RBM48: variants seen among roughly 807,000 people sequenced by gnomAD.
RBM48 encodes RNA-binding protein 48.
In RBM48, 32 loss-of-function variants were observed where a neutral mutation model predicts 34.8. That is an observed-to-expected ratio of 0.92 (90% CI 0.69 to 1.23). RBM48 has a LOEUF of 1.23. RBM48 is among the 50% of genes most tolerant of loss of function. The probability of loss-of-function intolerance (pLI) is 0.00; values close to 1 mark genes in which losing one functional copy is unlikely to be tolerated. For synonymous variants in RBM48, 151 were observed against 156.2 expected (o/e 0.97, Z 0.25); for missense variants, 441 against 447.2 (o/e 0.99, Z 0.12).
intron 1 of RBM48, chr7:92,529,210 GTGAT>G: frequency 1.7e-6 from 1 of 571,910 alleles, no homozygotes; most frequent in Non-Finnish European, 3.1e-6. Flanking sequence ...TATTCGTTGA[GTGAT>G]TGTTCCCAGT....
At position 92,537,141 on chromosome 7, in the gene RBM48, GGC is replaced by G; in HGVS notation, c.*206_*207del. ...TCTGTTGCCCAGGCTGGAATGCAGT[GGC>G]GTGATCTCGGCTCACTGCAACCTCC... On this transcript the variant is annotated 3_prime_UTR_variant, in exon 5 of 5. Transcript: ENST00000265732. 1 of 374,374 alleles carries G rather than the reference GGC, an allele frequency of 2.7e-6. No individual in the cohort carries two copies. The highest frequency in any genetic ancestry group is 4.9e-6 in the Non-Finnish European group (1 of 202,432). The allele number at this position is 374,374 out of a possible 1,614,324, so 23.2% of individuals were successfully genotyped here.
At chr7:92,536,129 C>CAA in intron 4 of RBM48, 1 of 965,364 alleles carries the variant, frequency 1.0e-6, no homozygotes, top group Non-Finnish European at 1.2e-6. Context: ...GACCCTGTCT[C>CAA]AAAAAAAAAG....
chr7:92,529,441 G>A, intron 1 of RBM48, 35 bp from the exon 2 acceptor site: 2 of 1,343,760 alleles, frequency 1.5e-6, no homozygotes, highest in Non-Finnish European at 2.1e-6. Flanking sequence ...AGGCTTATTT[G>A]CGAAATACGT....
At position 92,537,109 on chromosome 7, in the gene RBM48, G is replaced by GTCTT. The variant is rs1793735588; in HGVS notation, c.*173_*176dup. The GTCTT allele has an allele frequency of 2.0e-6, 1 of 489,486 alleles. No homozygotes were observed. The highest frequency in any genetic ancestry group is 2.0e-5 in the African/African-American group (1 of 49,258). The allele number at this position is 489,486 out of a possible 1,614,324, so 30.3% of individuals were successfully genotyped here. A position where few individuals can be genotyped will look rare whatever the true frequency, so the allele number is the denominator to read the frequency against. ...ATTTCTTTGTTTTTTGGGAGATGGA[G>GTCTT]TCTTGCTCTGTTGCCCAGGCTGGAA... is the stretch of plus-strand genomic sequence containing the variant. On this transcript the variant is annotated 3_prime_UTR_variant, in exon 5 of 5. Coordinates refer to ENST00000265732, the MANE Select transcript of RBM48 (RefSeq NM_032120.4).
In RBM48 at chr7:92,534,559, TTTATG is replaced by T. The variant is rs1793656080; in HGVS notation, c.611_615del (p.Cys204PhefsTer21). The T allele has an allele frequency of 6.2e-7, 1 of 1,614,060 alleles. No homozygotes were observed. The highest frequency in any genetic ancestry group is 8.5e-7 in the Non-Finnish European group (1 of 1,180,034). ...ATCTTCCGTATTCCTGTGAATTGCC[TTTATG>T]TTATTTCTCCTCAAAATGTATGTGT... is the stretch of plus-strand genomic sequence containing the variant. On this transcript the variant is annotated frameshift_variant, in exon 4 of 5. Coordinates refer to ENST00000265732, the MANE Select transcript of RBM48 (RefSeq NM_032120.4). LOFTEE classifies it high-confidence loss of function.
At chr7:92,531,979 T>G (rs1793586417) in intron 2 of RBM48, among the ~76,000 whole-genome samples, 1 of 152,232 alleles carries the variant, frequency 6.6e-6, no homozygotes, top group Non-Finnish European at 1.5e-5. Flanking sequence ...TCCTCAGTTA[T>G]TGAATGTTTT....
chr7:92,530,494 C>CAA (rs112647482), intron 2 of RBM48, among the ~76,000 whole-genome samples: 1 of 117,042 alleles, frequency 8.5e-6, no homozygotes, highest in Non-Finnish European at 1.9e-5. Flanking sequence ...GGCTCTGTCT[C>CAA]AAAAAAAAAA....
chr7:92,529,400 C>T, intron 1 of RBM48, 76 bp from the exon 2 acceptor site: 1 of 883,604 alleles, frequency 1.1e-6, no homozygotes, highest in Non-Finnish European at 1.8e-6. Context: ...TCAAAGTTCT[C>T]TTTAAAAAAA....
chr7:92,535,899 C>G, intron 4 of RBM48: 1 of 786,762 alleles, frequency 1.3e-6, no homozygotes, highest in Non-Finnish European at 1.5e-6. Context: ...CTTTGGGAGG[C>G]TGAGGTGAGC....
rs1292165206 is a variant in RBM48 at position 92,538,929 on chromosome 7, A to C, written c.*1992A>C. Among the ~76,000 whole-genome samples, 1 of 152,152 alleles carries C rather than the reference A, an allele frequency of 6.6e-6. No individual in the cohort carries two copies. Among genetic ancestry groups the C allele is most frequent in the African/African-American group, 2.4e-5 (1 of 41,432 alleles). On this transcript the variant is annotated 3_prime_UTR_variant, in exon 5 of 5. Transcript: ENST00000265732. ...GTCCTGTGACCATGCGGAAGCCAGCACTCCTCATCCCCACCAACATAATTC... is the reference window on the plus strand; with the variant it reads ...GTCCTGTGACCATGCGGAAGCCAGCCCTCCTCATCCCCACCAACATAATTC...
chr7:92,529,771 C>T (rs189958275), intron 2 of RBM48, 105 bp downstream of exon 2: 324 of 643,554 alleles, frequency 5.0e-4, no homozygotes, highest in Non-Finnish European at 7.5e-4. Context: ...TACCCCAAAA[C>T]GTAATCTAGC....
Position 92,534,952 on chromosome 7 carries a change from T to A in RBM48, c.999T>A (p.Ile333=). 6.2e-7 allele frequency: 1 copy of A among 1,614,150 alleles called. No homozygotes were observed. The highest frequency in any genetic ancestry group is 1.3e-5 in the African/African-American group (1 of 75,060). Reference sequence around the variant, plus strand: ...CATTGAATACAACGGCGAATTTAATTCGGCATAAACTTAAAGAGGTAAGGT... The same window carrying A: ...CATTGAATACAACGGCGAATTTAATACGGCATAAACTTAAAGAGGTAAGGT... ...DDSLNTTANL[I]RHKLKEVISS... is the part of the protein sequence containing the mutation. Residue 333 remains isoleucine, a synonymous_variant, in exon 4 of 5, where the codon ATT becomes ATA. Transcript: ENST00000265732.
At chr7:92,535,997 C>T (rs142393627) in intron 4 of RBM48, 9 of 365,418 alleles carry the variant, frequency 2.5e-5, no homozygotes, top group African/African-American at 6.6e-5. Flanking sequence ...ATTAGCCAGG[C>T]GTGGTGGTGA....
At chr7:92,531,836 A>G (rs1271299254) in intron 2 of RBM48, among the ~76,000 whole-genome samples, 3 of 152,238 alleles carry the variant, frequency 2.0e-5, no homozygotes, top group Non-Finnish European at 4.4e-5. Context: ...AATCTCAACA[A>G]GTATTTATCA....
intron 4 of RBM48, chr7:92,536,593 A>G (rs1467051865): frequency 2.8e-6 from 3 of 1,090,352 alleles, no homozygotes; most frequent in East Asian, 1.1e-4. Flanking sequence ...ATGTTAAAGT[A>G]GAGCATATGT....
At chr7:92,535,821 A>G (rs749016511) in intron 4 of RBM48, 5 of 982,568 alleles carry the variant, frequency 5.1e-6, no homozygotes, top group Non-Finnish European at 6.0e-6. Flanking sequence ...CCGTGGGCAC[A>G]GTTTTGAAGC....
In RBM48 at chr7:92,538,785, G is replaced by A. The variant is rs966931107; in HGVS notation, c.*1848G>A. Among the ~76,000 whole-genome samples, 5 of 152,114 alleles carry A rather than the reference G, an allele frequency of 3.3e-5. No individual in the cohort carries two copies. Among genetic ancestry groups the A allele is most frequent in the African/African-American group, 1.2e-4 (5 of 41,408 alleles). ...GAGGAGTTACGGTTTAATGGGCATA[G>A]AATTTCAGTTTTGGAAGATGAAAAG... On this transcript the variant is annotated 3_prime_UTR_variant, in exon 5 of 5. Coordinates refer to ENST00000265732, the MANE Select transcript of RBM48 (RefSeq NM_032120.4).
chr7:92,536,622 A>T (rs1055064494), intron 4 of RBM48: 2 of 1,148,020 alleles, frequency 1.7e-6, no homozygotes, highest in Non-Finnish European at 2.1e-6. Context: ...CTTCCTCCAA[A>T]TTTTTTTTCT....
In RBM48 at chr7:92,536,994, C is replaced by G. The variant is rs776338228; in HGVS notation, c.*57C>G. On this transcript the variant is annotated 3_prime_UTR_variant, in exon 5 of 5. Coordinates refer to ENST00000265732, the MANE Select transcript of RBM48 (RefSeq NM_032120.4). ...AGAACATTTATTATTTATTTTTAGC[C>G]TGTCATTTTAATTCTTCAAGAGATT... The G allele has an allele frequency of 2.3e-6, 3 of 1,284,232 alleles. No individual in the cohort carries two copies. The highest frequency in any genetic ancestry group is 3.2e-6 in the Non-Finnish European group (3 of 934,834). The allele number at this position is 1,284,232 out of a possible 1,614,324, so 79.6% of individuals were successfully genotyped here.
Sources: gnomAD v4.1 joint callset for allele counts (sites outside exome capture counted in the v4.1 genomes callset) on GRCh38, gnomAD v4.1.1 for gene constraint, MANE v1.5 for transcripts, NCBI Gene and HGNC (gene_info 2026-07-23, HGNC 2026-07-21) for gene names.